HS6ST3: variants seen among roughly 807,000 people sequenced by gnomAD.
The protein encoded by HS6ST3 is heparan-sulfate 6-O-sulfotransferase 3.
A neutral mutation model predicts 36.7 loss-of-function variants in HS6ST3; 12 were observed. The observed-to-expected ratio is 0.33, with a 90% CI of 0.21 to 0.53. HS6ST3 has a LOEUF of 0.53. HS6ST3 is among the 20% of genes least tolerant of loss of function. The pLI, the probability that HS6ST3 is intolerant of heterozygous loss-of-function variation, is 0.95. For synonymous variants in HS6ST3, 240 were observed against 257.5 expected, an observed-to-expected ratio of 0.93 and a Z score of 0.65; for missense variants, 584 against 640.9, an observed-to-expected ratio of 0.91 and a Z score of 0.96.
chr13:96,301,526 A>G (rs1263166254), intron 1 of HS6ST3, among the ~76,000 whole-genome samples: 1 of 152,190 alleles, frequency 6.6e-6, no homozygotes, highest in African/African-American at 2.4e-5. Flanking sequence ...TGACCGTGAT[A>G]TAATACTTAA....
At chr13:96,361,694 A>G (rs1050785238) in intron 1 of HS6ST3, among the ~76,000 whole-genome samples, 4 of 152,096 alleles carry the variant, frequency 2.6e-5, no homozygotes, top group African/African-American at 9.7e-5. Context: ...GTGGTAAAAA[A>G]CCTACCAACC....
At chr13:96,355,296 T>G (rs2055203978) in intron 1 of HS6ST3, among the ~76,000 whole-genome samples, 1 of 151,662 alleles carries the variant, frequency 6.6e-6, no homozygotes, top group Non-Finnish European at 1.5e-5. Context: ...ATTCCAACCC[T>G]GATGGCTGAC....
At chr13:96,702,621 C>G (rs1438602142) in intron 1 of HS6ST3, among the ~76,000 whole-genome samples, 2 of 152,184 alleles carry the variant, frequency 1.3e-5, no homozygotes, top group African/African-American at 4.8e-5. Flanking sequence ...GACTGCTTCT[C>G]TATTGCAAAC....
At chr13:96,378,872 A>G (rs2055327228) in intron 1 of HS6ST3, among the ~76,000 whole-genome samples, 1 of 152,176 alleles carries the variant, frequency 6.6e-6, no homozygotes, top group Non-Finnish European at 1.5e-5. Flanking sequence ...CACAAACTTG[A>G]TGAATAATCA....
intron 1 of HS6ST3, among the ~76,000 whole-genome samples, chr13:96,582,292 G>A (rs907968529): frequency 2.7e-4 from 41 of 151,954 alleles, no homozygotes; most frequent in Admixed American, 2.5e-3. Flanking sequence ...ATTAGAGAGA[G>A]GATCTTGGTA....
chr13:96,477,893 T>A (rs1033713402), intron 1 of HS6ST3, among the ~76,000 whole-genome samples: 173 of 151,354 alleles, frequency 1.1e-3, no homozygotes, highest in Admixed American at 2.2e-3. Flanking sequence ...ATAAAAAAAA[T>A]AATAATAATA....
chr13:96,648,990 A>T (rs2056598553), intron 1 of HS6ST3, among the ~76,000 whole-genome samples: 1 of 151,806 alleles, frequency 6.6e-6, no homozygotes, highest in Non-Finnish European at 1.5e-5. Context: ...CTCTCTGCAG[A>T]CCCCTATATT....
intron 1 of HS6ST3, among the ~76,000 whole-genome samples, chr13:96,467,346 C>T (rs1345482610): frequency 3.9e-5 from 6 of 152,156 alleles, no homozygotes; most frequent in African/African-American, 1.4e-4. Flanking sequence ...TAAATCTGTC[C>T]TGAGTCCCGT....
At chr13:96,098,021 C>G (rs973756414) in intron 1 of HS6ST3, among the ~76,000 whole-genome samples, 2 of 152,156 alleles carry the variant, frequency 1.3e-5, no homozygotes, top group Non-Finnish European at 2.9e-5. Context: ...TGCCCACTCC[C>G]CGGATTGTCT....
At chr13:96,308,909 A>G (rs2139408031) in intron 1 of HS6ST3, among the ~76,000 whole-genome samples, 1 of 152,250 alleles carries the variant, frequency 6.6e-6, no homozygotes, top group East Asian at 1.9e-4. Context: ...AAATCAAGAA[A>G]CTTCCTGGGA....
intron 1 of HS6ST3, among the ~76,000 whole-genome samples, chr13:96,207,946 G>A (rs2054380002): frequency 6.6e-6 from 1 of 152,130 alleles, no homozygotes; most frequent in African/African-American, 2.4e-5. Context: ...ATTTACCTAT[G>A]TAACAAACCT....
At chr13:96,173,850 G>A (rs770712738) in intron 1 of HS6ST3, among the ~76,000 whole-genome samples, 1 of 151,166 alleles carries the variant, frequency 6.6e-6, no homozygotes, top group Non-Finnish European at 1.5e-5. Flanking sequence ...TGTGTGGATA[G>A]TAATGTATTT....
intron 1 of HS6ST3, among the ~76,000 whole-genome samples, chr13:96,338,398 T>C (rs1299030416): frequency 6.6e-6 from 1 of 152,210 alleles, no homozygotes; most frequent in Admixed American, 6.5e-5. Context: ...CTGCAGATTT[T>C]CACTTATCCC....
rs1187456684 is a variant in HS6ST3, at chr13:96,355,390, CACACACACACACAA to C, written c.707+263829_707+263842del. On this transcript the variant is annotated intron_variant, in intron 1 of 1. Transcript: ENST00000376705. Reference sequence around the variant, plus strand: ...ACACACACACACACACACACACACACACACACACACACAAACACACAAACACACACACACAGAGG... The same window carrying C: ...ACACACACACACACACACACACACACACACACAAACACACACACACAGAGG... 5.1e-3 allele frequency among the ~76,000 whole-genome samples: 495 copies of C among 96,452 alleles called. 2 individuals carry two copies. The highest frequency in any genetic ancestry group is 0.02 in the African/African-American group (419 of 21,192). 63.3% of individuals were successfully genotyped at this position (96,452 alleles called of 152,430 possible).
intron 1 of HS6ST3, among the ~76,000 whole-genome samples, chr13:96,700,944 A>G (rs606261): frequency 0.015 from 2,277 of 152,324 alleles, 55 homozygotes; most frequent in African/African-American, 0.051. Flanking sequence ...TGGGACATCC[A>G]GGTCTCATTT....
intron 1 of HS6ST3, among the ~76,000 whole-genome samples, chr13:96,459,428 A>G (rs2055771554): frequency 7.3e-6 from 1 of 137,690 alleles, no homozygotes; most frequent in South Asian, 2.1e-4. Context: ...TGGAAAAGTT[A>G]AAAAAAAACT....
intron 1 of HS6ST3, among the ~76,000 whole-genome samples, chr13:96,328,445 G>A (rs1186154363): frequency 2.6e-5 from 4 of 151,994 alleles, no homozygotes; most frequent in Non-Finnish European, 5.9e-5. Context: ...TAATCATGTG[G>A]TTTTTGTCTT....
At chr13:96,770,262 G>C (rs1162320381) in intron 1 of HS6ST3, among the ~76,000 whole-genome samples, 1 of 152,206 alleles carries the variant, frequency 6.6e-6, no homozygotes, top group African/African-American at 2.4e-5. Context: ...GTAGAAGCCA[G>C]TCTGGAGCTC....
chr13:96,199,134 A>G (rs1423447938), intron 1 of HS6ST3, among the ~76,000 whole-genome samples: 2 of 152,308 alleles, frequency 1.3e-5, no homozygotes, highest in East Asian at 1.9e-4. Context: ...ACTGGTCCCC[A>G]TGATGCAGTT....
Sources: gnomAD v4.1 joint callset for allele counts (sites outside exome capture counted in the v4.1 genomes callset) on GRCh38, gnomAD v4.1.1 for gene constraint, MANE v1.5 for transcripts, NCBI Gene and HGNC (gene_info 2026-07-23, HGNC 2026-07-21) for gene names.